The following LYRM4 variants were observed in gnomAD, a reference collection of about 807,000 sequenced individuals.
LYRM4 encodes the protein LYR motif-containing protein 4.
Under a neutral mutation model 11.7 loss-of-function variants are expected in LYRM4, and 9 were observed. The observed-to-expected ratio is 0.77, with a 90% CI of 0.46 to 1.34. The LOEUF is 1.34. LYRM4 is among the 40% of genes most tolerant of loss of function. LYRM4 has a pLI of 0.00. For synonymous variants in LYRM4, 42 were observed against 40.4 expected (o/e 1.04, Z -0.15); for missense variants, 133 against 112.5 (o/e 1.18, Z -0.82).
chr6:5,034,473 T>G, the LYRM4 span: 3 of 152,250 alleles, frequency 2.0e-5, no homozygotes, highest in African/African-American at 7.2e-5. Flanking sequence ...ATGAATGGCT[T>G]GGAGTCATCC....
At chr6:5,118,096 T>TTTTTTTTTTTTG (rs748663388) in intron 2 of LYRM4, among the ~76,000 whole-genome samples, 4 of 78,684 alleles carry the variant, frequency 5.1e-5, no homozygotes, top group Non-Finnish European at 9.2e-5. Context: ...ATATATATAT[T>TTTTTTTTTTTTG]TTTGTTTTGT....
the LYRM4 span, chr6:5,087,152 C>T: frequency 6.6e-6 from 1 of 152,484 alleles, no homozygotes; most frequent in East Asian, 1.9e-4. Context: ...TGTGCCCAGA[C>T]TTGACGTTGT....
chr6:5,234,727 G>C (rs1476491439), intron 1 of LYRM4, among the ~76,000 whole-genome samples: 1 of 152,116 alleles, frequency 6.6e-6, no homozygotes, highest in Non-Finnish European at 1.5e-5. Flanking sequence ...GGAAAAAGGA[G>C]AGAGGAGCTA....
chr6:5,145,356 G>A (rs981026011), intron 2 of LYRM4, among the ~76,000 whole-genome samples: 2 of 152,222 alleles, frequency 1.3e-5, no homozygotes, highest in African/African-American at 2.4e-5. Context: ...GTGCCTTATC[G>A]CCCTCACGCT....
chr6:5,199,115 T>C (rs1761238022), intron 2 of LYRM4, among the ~76,000 whole-genome samples: 2 of 152,208 alleles, frequency 1.3e-5, no homozygotes, highest in Admixed American at 6.5e-5. Context: ...TGAATGTTCA[T>C]AGCAACATCA....
chr6:5,255,645 C>T (rs909191258), intron 1 of LYRM4, among the ~76,000 whole-genome samples: 4 of 152,228 alleles, frequency 2.6e-5, no homozygotes, highest in African/African-American at 9.6e-5. Context: ...TCTTCTTCAG[C>T]CAACTACTTC....
chr6:5,066,879 T>C, the LYRM4 span: 2 of 1,018,540 alleles, frequency 2.0e-6, no homozygotes, highest in Non-Finnish European at 1.5e-6. Context: ...CGCCGGCAAG[T>C]GCTTTCGCAT....
At chr6:5,092,459 C>T in the LYRM4 span, among the ~76,000 whole-genome samples, 40,416 of 151,986 alleles carry the variant, frequency 0.27, 5,462 homozygotes, top group South Asian at 0.32. Flanking sequence ...CGCCTGTAAT[C>T]CCAGCACTTT....
chr6:5,244,887 G>A (rs2127761088), intron 1 of LYRM4, among the ~76,000 whole-genome samples: 1 of 151,324 alleles, frequency 6.6e-6, no homozygotes, highest in East Asian at 2.0e-4. Flanking sequence ...GTTCTGAGAA[G>A]CGGATGGCAT....
Position 5,120,160 on chromosome 6 carries a change from G to T in LYRM4, c.208-10669C>A, listed in dbSNP as rs751423127. On this transcript the variant is annotated intron_variant, in intron 2 of 2. Coordinates refer to ENST00000330636, the MANE Select transcript of LYRM4 (RefSeq NM_020408.6). ...TCCATCCACCTCGGCCTCCCAAAGT[G>T]CTAGGATTATAGGCATGAGGCACGG... 3.3e-5 allele frequency among the ~76,000 whole-genome samples: 5 copies of T among 152,144 alleles called. No individual in the cohort carries two copies. The East Asian group carries it at 9.7e-4, about 29-fold the overall frequency.
chr6:5,210,438 T>G (rs1044197957), intron 2 of LYRM4, among the ~76,000 whole-genome samples: 3 of 152,128 alleles, frequency 2.0e-5, no homozygotes, highest in Non-Finnish European at 4.4e-5. Context: ...ATCTGAAGAA[T>G]TTAATTTCAT....
At chr6:5,067,366 C>T in the LYRM4 span, among the ~76,000 whole-genome samples, 1 of 152,218 alleles carries the variant, frequency 6.6e-6, no homozygotes, top group African/African-American at 2.4e-5. Context: ...CTCAGTTTCT[C>T]ATGAGGTTGC....
chr6:5,175,824 G>C lies in LYRM4; in HGVS notation c.207+40794C>G, dbSNP rs540077405. Among the ~76,000 whole-genome samples the C allele has an allele frequency of 1.6e-4, 25 of 152,240 alleles. No individual in the cohort carries two copies. In the South Asian group the frequency reaches 5.0e-3, roughly 30 times the overall value. ...AGTTCTGCCCACCAAGTAGGAAGTCGCACTGCTCTGAGGCTACCACGATGT... is the reference window on the plus strand; with the variant it reads ...AGTTCTGCCCACCAAGTAGGAAGTCCCACTGCTCTGAGGCTACCACGATGT... On this transcript the variant is annotated intron_variant, in intron 2 of 2. Transcript: ENST00000330636.
chr6:5,143,300 T>C (rs537482081), intron 2 of LYRM4, among the ~76,000 whole-genome samples: 4 of 152,310 alleles, frequency 2.6e-5, no homozygotes, highest in East Asian at 1.9e-4. Context: ...CAGTGACTTA[T>C]GGCAACCTCT....
chr6:5,110,494 G>A (rs1474538300), intron 2 of LYRM4, among the ~76,000 whole-genome samples: 1 of 152,164 alleles, frequency 6.6e-6, no homozygotes, highest in African/African-American at 2.4e-5. Context: ...CCATTTGCTC[G>A]GTCTTCAGTC....
intron 2 of LYRM4, chr6:5,136,253 G>A: frequency 1.0e-6 from 1 of 978,164 alleles, no homozygotes; most frequent in Non-Finnish European, 1.2e-6. Flanking sequence ...TATATACTGA[G>A]AAATGGAATC....
intron 2 of LYRM4, among the ~76,000 whole-genome samples, chr6:5,129,666 A>G (rs1352966311): frequency 6.6e-6 from 1 of 152,192 alleles, no homozygotes; most frequent in Non-Finnish European, 1.5e-5. Context: ...CATCAAATGT[A>G]ACATTCACAG....
intron 2 of LYRM4, among the ~76,000 whole-genome samples, chr6:5,121,284 G>A (rs915993876): frequency 6.6e-6 from 1 of 152,176 alleles, no homozygotes; most frequent in Non-Finnish European, 1.5e-5. Flanking sequence ...CTGCTACACT[G>A]CTAGCTGAAG....
intron 1 of LYRM4, among the ~76,000 whole-genome samples, chr6:5,250,823 TAA>T (rs1764396280): frequency 6.6e-6 from 1 of 152,248 alleles, no homozygotes; most frequent in African/African-American, 2.4e-5. Flanking sequence ...TATGGTATAA[TAA>T]AAGAGTGAAA....
Sources: allele counts gnomAD v4.1 joint callset (sites outside exome capture counted in the v4.1 genomes callset), GRCh38; gene constraint gnomAD v4.1.1; transcripts MANE v1.5; gene names NCBI Gene and HGNC (gene_info 2026-07-23, HGNC 2026-07-21).